Variants in NUCB1 observed in about 807,000 individuals in gnomAD.
NUCB1 encodes the protein nucleobindin 1, also known as nucleobindin-1.
Under a neutral mutation model 61.2 loss-of-function variants are expected in NUCB1, and 47 were observed. That is an observed-to-expected ratio of 0.77 (90% CI 0.61 to 0.98). The LOEUF (loss-of-function observed/expected upper bound fraction) is 0.98, where lower values mean the gene tolerates loss of function less well. Among genes scored for constraint, NUCB1 ranks in the 50% least tolerant of loss-of-function variants. The probability of loss-of-function intolerance (pLI) is 0.00; values close to 1 mark genes in which losing one functional copy is unlikely to be tolerated. For missense variants in NUCB1, 583 were observed against 605.3 expected (o/e 0.96, Z 0.39); for synonymous variants, 234 against 243.1 (o/e 0.96, Z 0.35).
Position 48,922,340 on chromosome 19 carries a change from A to G in NUCB1, c.1302A>G (p.Pro434=), listed in dbSNP as rs1358302427. The change falls in exon 13 of 13, where the codon CCA becomes CCG. Residue 434 remains proline, a synonymous_variant. Transcript: ENST00000405315. ...CAGACGATGTACCTGTCCCAGCTCC[A>G]GCCGGTGACCAGAAGGAGGTGGACA... ...PDTDDVPVPA[P]AGDQKEVDTS... is the part of the protein sequence containing the mutation. 1 of 1,613,612 alleles carries G rather than the reference A, an allele frequency of 6.2e-7. No individual in the cohort carries two copies. Among genetic ancestry groups the G allele is most frequent in the Non-Finnish European group, 8.5e-7 (1 of 1,179,744 alleles).
At position 48,921,076 on chromosome 19, in the gene NUCB1, C is replaced by T. The variant is rs1600069747; in HGVS notation, c.1003-78C>T. 5 of 1,469,184 alleles carry T rather than the reference C, an allele frequency of 3.4e-6. No individual in the cohort carries two copies. In the South Asian group the frequency reaches 5.4e-5, roughly 16 times the overall value. 91.0% of individuals were successfully genotyped at this position (1,469,184 alleles called of 1,614,324 possible). A position where few individuals can be genotyped will look rare whatever the true frequency, so the allele number is the denominator to read the frequency against. The stretch of plus-strand genomic sequence containing the variant: ...CTCCCAGCCTCCTCTACACCTCCCC[C>T]ATTGGCACAACCCTCTCCAACATGG... On this transcript the variant is annotated intron_variant, in intron 10 of 12. Transcript: ENST00000405315.
At position 48,922,343 on chromosome 19, in the gene NUCB1, C is replaced by A; in HGVS notation, c.1305C>A (p.Ala435=). 6.2e-7 allele frequency: 1 copy of A among 1,613,656 alleles called. No homozygotes were observed. The highest frequency in any genetic ancestry group is 8.5e-7 in the Non-Finnish European group (1 of 1,179,692). The change falls in exon 13 of 13, where the codon GCC becomes GCA. Residue 435 remains alanine (A), a synonymous_variant. Transcript: ENST00000405315. ...ACGATGTACCTGTCCCAGCTCCAGC[C>A]GGTGACCAGAAGGAGGTGGACACTT... ...DTDDVPVPAP[A]GDQKEVDTSE...
chr19:48,918,617 A>T, intron 7 of NUCB1, 109 bp from the exon 8 acceptor site: 1 of 844,616 alleles, frequency 1.2e-6, no homozygotes, highest in Non-Finnish European at 2.1e-6. Flanking sequence ...ACCCGTAGTT[A>T]CCTGTCCTCT....
At chr19:48,917,610 C>T (rs1168333326) in intron 7 of NUCB1, among the ~76,000 whole-genome samples, 1 of 152,168 alleles carries the variant, frequency 6.6e-6, no homozygotes, top group Non-Finnish European at 1.5e-5. Context: ...TATTCTCCTG[C>T]CTCAGCCTCC....
intron 7 of NUCB1, among the ~76,000 whole-genome samples, chr19:48,914,684 T>C (rs10403434): frequency 0.74 from 111,738 of 151,886 alleles, 41,646 homozygotes; most frequent in South Asian, 0.86. Flanking sequence ...TAGTGGCTCA[T>C]GTCTGTAATC....
At chr19:48,906,465 G>A (rs1233467435) in intron 4 of NUCB1, among the ~76,000 whole-genome samples, 1 of 151,106 alleles carries the variant, frequency 6.6e-6, no homozygotes, top group African/African-American at 2.4e-5. Flanking sequence ...AGTGGCTCAC[G>A]CCTGCAATTC....
At chr19:48,903,845 G>A (rs2037381590) in intron 2 of NUCB1, among the ~76,000 whole-genome samples, 1 of 143,786 alleles carries the variant, frequency 7.0e-6, no homozygotes, top group African/African-American at 2.6e-5. Context: ...TGAGTGGATG[G>A]ATGGATGGAT....
At chr19:48,903,006 G>A (rs982914923) in intron 2 of NUCB1, among the ~76,000 whole-genome samples, 3 of 151,458 alleles carry the variant, frequency 2.0e-5, no homozygotes, top group African/African-American at 7.3e-5. Context: ...GCAGTGGCAG[G>A]ATCATACCTC....
intron 7 of NUCB1, among the ~76,000 whole-genome samples, chr19:48,917,066 T>TA (rs1398335864): frequency 6.6e-6 from 1 of 151,040 alleles, no homozygotes; most frequent in African/African-American, 2.4e-5. Flanking sequence ...TGAAAACAAA[T>TA]ACAAAAATTA....
intron 4 of NUCB1, among the ~76,000 whole-genome samples, chr19:48,909,255 T>A (rs56306323): frequency 0.1 from 15,687 of 150,774 alleles, 1,148 homozygotes; most frequent in Non-Finnish European, 0.16. Context: ...TATTATTTTT[T>A]TTTTTTTCCA....
At chr19:48,909,543 G>A (rs892004436) in intron 4 of NUCB1, among the ~76,000 whole-genome samples, 16 of 151,200 alleles carry the variant, frequency 1.1e-4, no homozygotes, top group Non-Finnish European at 2.1e-4. Context: ...CACCGCGCCC[G>A]GCCTATTATT....
In NUCB1 at chr19:48,911,190, C is replaced by T. The variant is rs2122182852; in HGVS notation, c.418C>T (p.His140Tyr). The T allele has an allele frequency of 1.2e-6, 2 of 1,613,826 alleles. No individual in the cohort carries two copies. The highest frequency in any genetic ancestry group is 4.5e-5 in the East Asian group (2 of 44,872). The change falls in exon 5 of 13, where the codon CAC (histidine) becomes TAC (tyrosine). Residue 140 changes from histidine (H) to tyrosine (Y), a missense_variant. His to Tyr is a moderately conservative substitution (Grantham distance 83). Transcript: ENST00000405315. The part of the protein sequence containing the change: ...DHLNLLKQFE[H>Y]LDPQNQHTFE... ...TCTGAATCTCCTGAAACAGTTTGAA[C>T]ACCTGGACCCTCAGAACCAGCATAC...
intron 4 of NUCB1, among the ~76,000 whole-genome samples, chr19:48,908,691 G>C (rs1018692772): frequency 4.5e-4 from 62 of 138,326 alleles, no homozygotes; most frequent in Admixed American, 8.8e-4. Context: ...GTGTGTGTGT[G>C]TGTGTGTCTT....
chr19:48,905,676 T>A (rs2037402360), intron 3 of NUCB1, 77 bp from the exon 4 acceptor site: 1 of 1,560,198 alleles, frequency 6.4e-7, no homozygotes, highest in Non-Finnish European at 8.8e-7. Flanking sequence ...GACTGGGGCA[T>A]GAGAAAGCTT....
intron 4 of NUCB1, among the ~76,000 whole-genome samples, chr19:48,906,308 G>A (rs1052130431): frequency 6.6e-6 from 1 of 151,278 alleles, no homozygotes; most frequent in South Asian, 2.1e-4. Context: ...GGAGGCTAAG[G>A]CAGGAGAATT....
intron 6 of NUCB1, 110 bp downstream of exon 6, chr19:48,913,306 T>C (rs1395206281): frequency 8.1e-7 from 1 of 1,237,244 alleles, no homozygotes; most frequent in Non-Finnish European, 1.1e-6. Flanking sequence ...GCAAAAAAAC[T>C]CCCTGTTACT....
Position 48,913,007 on chromosome 19 carries a change from C to T in NUCB1, c.481-4C>T, listed in dbSNP as rs1469172121. The T allele has an allele frequency of 1.2e-6, 2 of 1,601,296 alleles. No individual in the cohort carries two copies. The highest frequency in any genetic ancestry group is 1.3e-5 in the African/African-American group (1 of 74,350). ...GAGGGGAATGACCCTGTGCCTTTCC[C>T]CAGGCCACCCGGGACCTTGCCCAGT... On this transcript the variant is annotated splice_region_variant and splice_polypyrimidine_tract_variant and intron_variant, in intron 5 of 12. Coordinates refer to ENST00000405315, the MANE Select transcript of NUCB1 (RefSeq NM_006184.6).
chr19:48,917,208 G>C (rs150240900), intron 7 of NUCB1, among the ~76,000 whole-genome samples: 303 of 152,276 alleles, frequency 2.0e-3, no homozygotes, highest in African/African-American at 6.7e-3. Context: ...GGGTGACAGA[G>C]TGAGACCCTG....
At chr19:48,914,354 G>C (rs2037515653) in intron 7 of NUCB1, among the ~76,000 whole-genome samples, 1 of 152,094 alleles carries the variant, frequency 6.6e-6, no homozygotes, top group African/African-American at 2.4e-5. Flanking sequence ...GTGGCCTGGG[G>C]TTGCCAAGCC....
Sources: allele counts gnomAD v4.1 joint callset (sites outside exome capture counted in the v4.1 genomes callset), GRCh38; gene constraint gnomAD v4.1.1; transcripts MANE v1.5; gene names NCBI Gene and HGNC (gene_info 2026-07-23, HGNC 2026-07-21).